The following PTPN2 variants were observed in gnomAD, a reference collection of about 807,000 sequenced individuals.
The protein encoded by PTPN2 is tyrosine-protein phosphatase non-receptor type 2.
Under a neutral mutation model 57.3 loss-of-function variants are expected in PTPN2, and 19 were observed. The ratio of observed to expected loss-of-function variants is 0.33; its 90% CI spans 0.23 to 0.49. PTPN2 has a LOEUF of 0.49. Ranked by LOEUF, PTPN2 falls within the 20% of genes least tolerant of loss-of-function variation. The pLI is 0.99. For missense variants in PTPN2, 358 were observed against 501.1 expected, an observed-to-expected ratio of 0.71 and a Z score of 2.73; for synonymous variants, 153 against 164.9, an observed-to-expected ratio of 0.93 and a Z score of 0.55.
chr18:12,870,323 A>ATATATG (rs2044164896), intron 1 of PTPN2, among the ~76,000 whole-genome samples: 2 of 72,274 alleles, frequency 2.8e-5, no homozygotes, highest in African/African-American at 1.7e-4. Flanking sequence ...ATATATGTGT[A>ATATATG]TATATATGTA....
intron 7 of PTPN2, among the ~76,000 whole-genome samples, chr18:12,803,607 A>C (rs1227435834): frequency 2.6e-5 from 4 of 152,254 alleles, no homozygotes; most frequent in Non-Finnish European, 5.9e-5. Context: ...ATATTTTGAT[A>C]AAATAGACTT....
rs1013809106 is a variant in PTPN2 at position 12,797,720 on chromosome 18, A to G, written c.1041-3235T>C. Among the ~76,000 whole-genome samples, 7 of 152,122 alleles carry G rather than the reference A, an allele frequency of 4.6e-5. No homozygotes were observed. In the South Asian group the frequency reaches 1.2e-3, roughly 27 times the overall value. On this transcript the variant is annotated intron_variant, in intron 8 of 8. Transcript: ENST00000309660. ...ATGGGACCTGCCCAGGTTTTCCCGT[A>G]TATTTATGCAATTTAGGATATTAAC...
Position 12,814,295 on chromosome 18 carries a change from T to G in PTPN2, c.766A>C (p.Met256Leu), listed in dbSNP as rs754009863. The G allele has an allele frequency of 3.7e-6, 6 of 1,608,078 alleles. No individual in the cohort carries two copies. The Admixed American group carries it at 1.0e-4, about 27-fold the overall frequency. ...QVLLNMRKYRMGLIQTPDQLR... is the reference protein window; with the variant it reads ...QVLLNMRKYRLGLIQTPDQLR... ...TGATCTGGGGTCTGAATAAGACCCA[T>G]TCGGTATTTTCTCATGTTCAGTAAC... is the stretch of plus-strand genomic sequence containing the variant. The change falls in exon 7 of 9, where the codon ATG (methionine) becomes CTG (leucine). Residue 256 changes from methionine to leucine, a missense_variant. Coordinates refer to ENST00000309660, the MANE Select transcript of PTPN2 (RefSeq NM_002828.4).
At chr18:12,860,082 G>A (rs2043740029) in intron 1 of PTPN2, among the ~76,000 whole-genome samples, 1 of 151,996 alleles carries the variant, frequency 6.6e-6, no homozygotes, top group East Asian at 1.9e-4. Flanking sequence ...GAGGTCAGGA[G>A]TTTGAGACCA....
chr18:12,862,078 A>G (rs1166612859), intron 1 of PTPN2: 1 of 152,098 alleles, frequency 6.6e-6, no homozygotes, highest in East Asian at 1.9e-4. Flanking sequence ...ATTTCAGTGA[A>G]CTTACAAGAA....
intron 8 of PTPN2, among the ~76,000 whole-genome samples, chr18:12,798,706 C>G (rs549253007): frequency 6.6e-6 from 1 of 152,288 alleles, no homozygotes; most frequent in South Asian, 2.1e-4. Context: ...AATAGTGCTG[C>G]AATCAACATA....
intron 2 of PTPN2, among the ~76,000 whole-genome samples, chr18:12,847,131 G>C (rs1417970935): frequency 6.6e-6 from 1 of 151,678 alleles, no homozygotes; most frequent in Admixed American, 6.6e-5. Context: ...GTGAGAAAGA[G>C]ATGAACAGGG....
At chr18:12,797,899 G>C (rs2041252546) in intron 8 of PTPN2, among the ~76,000 whole-genome samples, 1 of 152,008 alleles carries the variant, frequency 6.6e-6, no homozygotes, top group Non-Finnish European at 1.5e-5. Context: ...GCGGATTTTT[G>C]TATTTTTTGT....
intron 8 of PTPN2, among the ~76,000 whole-genome samples, chr18:12,800,086 A>G (rs1568082621): frequency 1.3e-5 from 2 of 152,176 alleles, no homozygotes; most frequent in Non-Finnish European, 2.9e-5. Context: ...CCGCCACCAC[A>G]TGCGAAAACA....
intron 1 of PTPN2, chr18:12,883,870 C>CTTTT (rs397959555): frequency 0.03 from 11,820 of 387,564 alleles, 382 homozygotes; most frequent in African/African-American, 0.11. Flanking sequence ...CTCAAGTATG[C>CTTTT]TTTTTTTTTT....
intron 7 of PTPN2, among the ~76,000 whole-genome samples, chr18:12,811,090 C>T (rs2041874366): frequency 6.6e-6 from 1 of 152,118 alleles, no homozygotes; most frequent in African/African-American, 2.4e-5. Context: ...AGGAGATAAG[C>T]ACTAATACTA....
intron 5 of PTPN2, 63 bp downstream of exon 5, chr18:12,825,747 A>G: frequency 6.9e-7 from 1 of 1,446,158 alleles, no homozygotes; most frequent in Non-Finnish European, 9.4e-7. Flanking sequence ...CAAATCTAAT[A>G]ATAAAGAATA....
intron 6 of PTPN2, among the ~76,000 whole-genome samples, chr18:12,816,383 C>T (rs532204245): frequency 1.3e-5 from 2 of 152,070 alleles, no homozygotes; most frequent in Non-Finnish European, 2.9e-5. Flanking sequence ...TTAGAACACG[C>T]TCAGAAAGCA....
At position 12,884,082 on chromosome 18, in the gene PTPN2, C is replaced by T; in HGVS notation, c.60G>A (p.Pro20=). ...TGGGTCCGCGACTCACCAAGTACAGCGGCTGCCAGCGACGCTGAGTATCCA... is the reference window on the plus strand; with the variant it reads ...TGGGTCCGCGACTCACCAAGTACAGTGGCTGCCAGCGACGCTGAGTATCCA... ...EELDTQRRWQ[P]LYLEIRNESH... The change falls in exon 1 of 9, where the codon CCG becomes CCA. Residue 20 remains proline (P), a synonymous_variant. Coordinates refer to ENST00000309660, the MANE Select transcript of PTPN2 (RefSeq NM_002828.4). 1 of 1,578,732 alleles carries T rather than the reference C, an allele frequency of 6.3e-7. No homozygotes were observed. Among genetic ancestry groups the T allele is most frequent in the South Asian group, 1.2e-5 (1 of 86,474 alleles).
At chr18:12,819,217 T>C (rs1245981477) in intron 5 of PTPN2, 3 of 1,411,922 alleles carry the variant, frequency 2.1e-6, no homozygotes, top group East Asian at 2.6e-5. Flanking sequence ...TACATACTTT[T>C]AGTGACCTTT....
rs74163633 is a variant in PTPN2, at chr18:12,859,243, A to G, written c.81T>C (p.Asn27=). ...RWQPLYLEIR[N]ESHDYPHRVA... ...CTCTATGAGGATAGTCATGGGACTC[A>G]TTTCGAATTTCCTTAAAATAACAAA... The change falls in exon 2 of 9, where the codon AAT becomes AAC. Residue 27 remains asparagine (N), a synonymous_variant. Coordinates refer to ENST00000309660, the MANE Select transcript of PTPN2 (RefSeq NM_002828.4). The G allele has an allele frequency of 6.2e-7, 1 of 1,609,154 alleles. No homozygotes were observed. Among genetic ancestry groups the G allele is most frequent in the Non-Finnish European group, 8.5e-7 (1 of 1,177,188 alleles).
intron 1 of PTPN2, among the ~76,000 whole-genome samples, chr18:12,872,520 C>A (rs1458807178): frequency 6.6e-6 from 1 of 152,148 alleles, no homozygotes; most frequent in Non-Finnish European, 1.5e-5. Context: ...AGTATCCAAC[C>A]TTGAGCCAGT....
chr18:12,858,599 T>G (rs552228466), intron 2 of PTPN2, among the ~76,000 whole-genome samples: 3 of 152,330 alleles, frequency 2.0e-5, no homozygotes, highest in Non-Finnish European at 2.9e-5. Flanking sequence ...AGAAAAGAGC[T>G]ACAAATGAGT....
At chr18:12,865,285 A>T (rs1348444259) in intron 1 of PTPN2, among the ~76,000 whole-genome samples, 2 of 151,874 alleles carry the variant, frequency 1.3e-5, no homozygotes, top group East Asian at 3.9e-4. Flanking sequence ...AAATTTTAAA[A>T]TTAGCAAGGC....
Sources: allele counts gnomAD v4.1 joint callset (sites outside exome capture counted in the v4.1 genomes callset), GRCh38; gene constraint gnomAD v4.1.1; transcripts MANE v1.5; gene names NCBI Gene and HGNC (gene_info 2026-07-23, HGNC 2026-07-21).